TTC39A: variants seen among roughly 807,000 people sequenced by gnomAD.
TTC39A encodes tetratricopeptide repeat domain 39A.
TTC39A carries 46 observed loss-of-function variants against 82.3 expected under a neutral mutation model. The ratio of observed to expected loss-of-function variants is 0.56; its 90% CI spans 0.44 to 0.71. The LOEUF (loss-of-function observed/expected upper bound fraction) is 0.71. Among genes scored for constraint, TTC39A ranks in the 30% least tolerant of loss-of-function variants. TTC39A has a pLI of 0.00. For missense variants in TTC39A, 543 were observed against 712.9 expected, an observed-to-expected ratio of 0.76 and a Z score of 2.71; for synonymous variants, 254 against 275.2, an observed-to-expected ratio of 0.92 and a Z score of 0.76.
chr1:51,335,711 G>A (rs1645966556), upstream of TTC39A, among the ~76,000 whole-genome samples: 1 of 152,080 alleles, frequency 6.6e-6, no homozygotes, highest in African/African-American at 2.4e-5. Flanking sequence ...TCGAACCCAG[G>A]TCTTGATTCC....
chr1:51,339,241 G>T (rs1347207479), intron 1 of TTC39A, among the ~76,000 whole-genome samples: 1 of 152,156 alleles, frequency 6.6e-6, no homozygotes, highest in Non-Finnish European at 1.5e-5. Context: ...TCTTAGCCCA[G>T]TTCCACGTGG....
intron 1 of TTC39A, among the ~76,000 whole-genome samples, chr1:51,338,827 T>C (rs1314676297): frequency 6.6e-6 from 1 of 152,008 alleles, no homozygotes; most frequent in Non-Finnish European, 1.5e-5. Context: ...GGTCTTGAAC[T>C]CCTGACCTCA....
At chr1:51,309,462 C>T (rs777284319) in intron 5 of TTC39A, 137 bp from the exon 6 acceptor site, 1 of 1,514,354 alleles carries the variant, frequency 6.6e-7, no homozygotes, top group South Asian at 1.3e-5. Flanking sequence ...TCAGCCAAAC[C>T]AGGCCTCCCT....
intron 8 of TTC39A, 141 bp from the exon 9 acceptor site, chr1:51,303,333 G>C (rs1557712493): frequency 1.5e-6 from 1 of 680,928 alleles, no homozygotes; most frequent in Non-Finnish European, 2.5e-6. Flanking sequence ...GTGTGGCCCT[G>C]AGCAAGTGGC....
Position 51,294,521 on chromosome 1 carries a change from A to T in TTC39A, c.1146-10T>A, listed in dbSNP as rs752047849. On this transcript the variant is annotated splice_polypyrimidine_tract_variant and intron_variant, in intron 13 of 17. Transcript: ENST00000680483. This position sits in a 1 kb window ranked among gnomAD's most constrained non-coding sequence, Gnocchi z 4.3. ...CAGGCCTGGCACAGCTCTGCGAAAG[A>T]GATGGGGAGGGTGGGAGAGGATGAA... is the stretch of plus-strand genomic sequence containing the variant. The T allele has an allele frequency of 1.1e-5, 17 of 1,613,674 alleles. No homozygotes were observed. The South Asian group carries it at 1.9e-4, about 18-fold the overall frequency.
intron 2 of TTC39A, 42 bp from the exon 3 acceptor site, chr1:51,312,985 C>G: frequency 1.3e-6 from 2 of 1,592,440 alleles, no homozygotes; most frequent in Middle Eastern, 1.7e-4. Flanking sequence ...CCTTATAGAG[C>G]CCCAGAGGCA....
intron 8 of TTC39A, among the ~76,000 whole-genome samples, chr1:51,303,605 C>G (rs1043076897): frequency 2.6e-5 from 4 of 152,194 alleles, no homozygotes; most frequent in African/African-American, 4.8e-5. Context: ...GGGGGAGAAG[C>G]CTCCAGAGCC....
At chr1:51,331,017 A>C, upstream of TTC39A, 1 of 727,746 alleles carries the variant, frequency 1.4e-6, no homozygotes, top group East Asian at 2.7e-5. Context: ...GGAGACCAGA[A>C]GGCGGGGAAA....
chr1:51,338,496 G>T (rs12568665), intron 1 of TTC39A, among the ~76,000 whole-genome samples: 4 of 151,972 alleles, frequency 2.6e-5, no homozygotes, highest in African/African-American at 9.7e-5. Context: ...AAGGTGTTCA[G>T]GGGAGAGGAG....
chr1:51,303,588 G>A (rs925066142), intron 8 of TTC39A, among the ~76,000 whole-genome samples: 1 of 152,216 alleles, frequency 6.6e-6, no homozygotes, highest in Non-Finnish European at 1.5e-5. Context: ...GCCTGGGAAG[G>A]CTTCCTGGGG....
In TTC39A at chr1:51,312,842, A is replaced by G; in HGVS notation, c.248T>C (p.Met83Thr). The change falls in exon 3 of 18, where the codon ATG becomes ACG. Residue 83 changes from methionine (M) to threonine (T), a missense_variant. Transcript: ENST00000680483. Reference sequence around the variant, plus strand: ...ACACAGCATCTGTGCCTCCTTCATCATGTTGCCGGCAAGCAGGATGTCCTG... The same window carrying G: ...ACACAGCATCTGTGCCTCCTTCATCGTGTTGCCGGCAAGCAGGATGTCCTG... ...DPQDILLAGN[M>T]MKEAQMLCQR... is the part of the protein sequence containing the mutation. The G allele has an allele frequency of 1.9e-6, 3 of 1,613,788 alleles. No individual in the cohort carries two copies. Among genetic ancestry groups the G allele is most frequent in the Non-Finnish European group, 2.5e-6 (3 of 1,179,774 alleles).
chr1:51,322,334 A>G, intron 1 of TTC39A: 1 of 1,347,374 alleles, frequency 7.4e-7, no homozygotes, highest in Non-Finnish European at 9.6e-7. Flanking sequence ...CGAGAGGCCC[A>G]GGGCCTTTCA....
chr1:51,293,450 G>A (rs1644296962), intron 14 of TTC39A, among the ~76,000 whole-genome samples: 1 of 152,128 alleles, frequency 6.6e-6, no homozygotes, highest in African/African-American at 2.4e-5. Context: ...TATAAATATT[G>A]ACCGTTTCAA....
chr1:51,322,062 G>C (rs1645546000), intron 1 of TTC39A: 1 of 1,538,384 alleles, frequency 6.5e-7, no homozygotes, highest in African/African-American at 1.4e-5. Flanking sequence ...TCTGTTGGAG[G>C]TGGGGGAGGG....
chr1:51,305,455 C>G (rs1046745913), intron 7 of TTC39A: 2 of 362,612 alleles, frequency 5.5e-6, no homozygotes, highest in African/African-American at 2.1e-5. Flanking sequence ...CCTTCCTGCT[C>G]CCTCTGCCTG....
intron 1 of TTC39A, among the ~76,000 whole-genome samples, chr1:51,323,557 T>C (rs1380145635): frequency 6.6e-6 from 1 of 152,220 alleles, no homozygotes; most frequent in African/African-American, 2.4e-5. Context: ...TATTCCATAT[T>C]TCATGTCTCT....
chr1:51,309,348 C>T (rs375421301), intron 5 of TTC39A, 23 bp from the exon 6 acceptor site: 33 of 1,612,402 alleles, frequency 2.0e-5, no homozygotes, highest in Middle Eastern at 1.6e-4. Context: ...AAGATGCTGA[C>T]GGCCTGGCCC....
intron 2 of TTC39A, among the ~76,000 whole-genome samples, chr1:51,317,876 G>T (rs1645351119): frequency 6.6e-6 from 1 of 152,202 alleles, no homozygotes; most frequent in Non-Finnish European, 1.5e-5. Flanking sequence ...TGGGAAGACT[G>T]GATTCCTGGG....
intron 11 of TTC39A, chr1:51,301,995 G>A (rs1644677829): frequency 3.0e-6 from 2 of 666,110 alleles, no homozygotes; most frequent in Non-Finnish European, 5.5e-6. Context: ...GAAAGAGCAG[G>A]AGAGAGCTAT....
Sources: gnomAD v4.1 joint callset for allele counts (sites outside exome capture counted in the v4.1 genomes callset) on GRCh38, gnomAD v4.1.1 for gene constraint, Gnocchi (gnomAD v3.1) non-coding constraint, MANE v1.5 for transcripts, NCBI Gene and HGNC (gene_info 2026-07-23, HGNC 2026-07-21) for gene names.